Variants in CLDN16 observed in about 807,000 individuals in gnomAD.
CLDN16 encodes claudin 16.
Under a neutral mutation model 24.6 loss-of-function variants are expected in CLDN16, and 13 were observed. The observed-to-expected ratio is 0.53, with a 90% CI of 0.34 to 0.84. The LOEUF is 0.84. Ranked by LOEUF, CLDN16 falls within the 40% of genes least tolerant of loss-of-function variation. CLDN16 has a pLI of 0.01. For missense variants in CLDN16, 298 were observed against 292.7 expected (o/e 1.02, Z -0.13); for synonymous variants, 116 against 106.7 (o/e 1.09, Z -0.54).
At chr3:190,302,785 T>C in the CLDN16 span, among the ~76,000 whole-genome samples, 3 of 135,124 alleles carry the variant, frequency 2.2e-5, no homozygotes, top group African/African-American at 8.8e-5. Context: ...AAAAAATATA[T>C]ATATATATAT....
chr3:190,291,898 C>T, the CLDN16 span, among the ~76,000 whole-genome samples: 1 of 152,168 alleles, frequency 6.6e-6, no homozygotes, highest in Non-Finnish European at 1.5e-5. Flanking sequence ...CCCTTGACTC[C>T]ATGTCTCACG....
At chr3:190,333,888 C>CA (rs934382128) in intron 1 of CLDN16, among the ~76,000 whole-genome samples, 3 of 152,052 alleles carry the variant, frequency 2.0e-5, no homozygotes, top group Non-Finnish European at 2.9e-5. Flanking sequence ...GGGTAACATG[C>CA]AGCTGACAGA....
At chr3:190,310,763 C>A in the CLDN16 span, among the ~76,000 whole-genome samples, 1 of 152,138 alleles carries the variant, frequency 6.6e-6, no homozygotes, top group African/African-American at 2.4e-5. Flanking sequence ...AGAATACCTG[C>A]ATTACTACTG....
chr3:190,330,048 C>CG (rs1717151314), intron 1 of CLDN16, among the ~76,000 whole-genome samples: 1 of 146,564 alleles, frequency 6.8e-6, no homozygotes, highest in African/African-American at 2.7e-5. Flanking sequence ...CCCCCCTCCA[C>CG]CAGCATCACT....
chr3:190,291,902 T>C, the CLDN16 span, among the ~76,000 whole-genome samples: 1 of 152,168 alleles, frequency 6.6e-6, no homozygotes. Context: ...TGACTCCATG[T>C]CTCACGTCCA....
chr3:190,352,074 T>C (rs1020014540), intron 1 of CLDN16, among the ~76,000 whole-genome samples: 1 of 124,762 alleles, frequency 8.0e-6, no homozygotes, highest in Non-Finnish European at 1.7e-5. Context: ...AATTTGACAG[T>C]GATTATAATT....
At chr3:190,378,974 T>G (rs79001975) in intron 3 of CLDN16, among the ~76,000 whole-genome samples, 1 of 152,120 alleles carries the variant, frequency 6.6e-6, no homozygotes, top group African/African-American at 2.4e-5. Flanking sequence ...ATACTCCAAT[T>G]GAATATGATT....
upstream of CLDN16, among the ~76,000 whole-genome samples, chr3:190,319,784 C>T (rs1002342396): frequency 2.0e-5 from 3 of 152,148 alleles, no homozygotes; most frequent in Admixed American, 1.3e-4. Flanking sequence ...CAAAACTGTA[C>T]CAAAACCAGC....
At chr3:190,372,792 G>T (rs189703552) in intron 2 of CLDN16, among the ~76,000 whole-genome samples, 2 of 152,008 alleles carry the variant, frequency 1.3e-5, no homozygotes, top group East Asian at 3.9e-4. Flanking sequence ...GCAGTCATTT[G>T]TCAAAGGCCT....
At chr3:190,408,598 T>G (rs932707327) in intron 4 of CLDN16, 93 bp downstream of exon 4, 10 of 1,183,248 alleles carry the variant, frequency 8.5e-6, no homozygotes, top group African/African-American at 1.5e-5. Flanking sequence ...AAAATGTTAT[T>G]TATTTGAATT....
At chr3:190,403,573 A>G (rs1336797832) in intron 2 of CLDN16, among the ~76,000 whole-genome samples, 1 of 152,132 alleles carries the variant, frequency 6.6e-6, no homozygotes, top group East Asian at 1.9e-4. Flanking sequence ...CCATAAGGCA[A>G]CTTCTTTTCT....
intron 1 of CLDN16, among the ~76,000 whole-genome samples, chr3:190,330,069 C>A (rs1190935951): frequency 6.6e-6 from 1 of 151,930 alleles, no homozygotes; most frequent in Non-Finnish European, 1.5e-5. Flanking sequence ...TAATCATATA[C>A]ATGACTGAAT....
At chr3:190,307,181 G>A in the CLDN16 span, 1 of 152,626 alleles carries the variant, frequency 6.6e-6, no homozygotes, top group African/African-American at 2.4e-5. Context: ...CTTGCTTACA[G>A]CTACAGAGAG....
the CLDN16 span, among the ~76,000 whole-genome samples, chr3:190,303,383 G>A: frequency 6.6e-6 from 1 of 152,154 alleles, no homozygotes; most frequent in African/African-American, 2.4e-5. Context: ...CCAAAAAGAA[G>A]TAAAAGCCTC....
intron 1 of CLDN16, among the ~76,000 whole-genome samples, chr3:190,341,981 A>G (rs560729134): frequency 6.6e-6 from 1 of 152,278 alleles, no homozygotes; most frequent in East Asian, 1.9e-4. Flanking sequence ...CCTTATTTCC[A>G]TCTGAAACCA....
chr3:190,403,076 C>T lies in CLDN16; in HGVS notation c.217+637C>T, dbSNP rs533031466. Among the ~76,000 whole-genome samples the T allele has an allele frequency of 1.4e-4, 21 of 152,266 alleles. No homozygotes were observed. In the South Asian group the frequency reaches 3.9e-3, roughly 29 times the overall value. ...GGTGCAGTGGCTCACACTTGTAATC[C>T]TAGCACTTTGGGAGGCCAAGGCGGG... On this transcript the variant is annotated intron_variant, in intron 2 of 4. Transcript: ENST00000264734.
chr3:190,393,551 A>ATATGAAT (rs1370828655), intron 1 of CLDN16, among the ~76,000 whole-genome samples: 1 of 152,198 alleles, frequency 6.6e-6, no homozygotes, highest in African/African-American at 2.4e-5. Context: ...CAGCAGGCAG[A>ATATGAAT]TATGAATCAG....
chr3:190,401,826 ATTATT>A (rs1718969054), intron 1 of CLDN16, among the ~76,000 whole-genome samples: 2 of 152,046 alleles, frequency 1.3e-5, no homozygotes, highest in South Asian at 2.1e-4. Context: ...TTCTTTGCTA[ATTATT>A]TTATATTTAT....
chr3:190,358,325 G>A (rs1019927269), intron 1 of CLDN16, among the ~76,000 whole-genome samples: 1 of 151,958 alleles, frequency 6.6e-6, no homozygotes, highest in African/African-American at 2.4e-5. Flanking sequence ...TATAAAGCAT[G>A]TCTTCTCTAA....
Sources: allele counts gnomAD v4.1 joint callset (sites outside exome capture counted in the v4.1 genomes callset), GRCh38; gene constraint gnomAD v4.1.1; transcripts MANE v1.5; gene names NCBI Gene and HGNC (gene_info 2026-07-23, HGNC 2026-07-21).